The following RBFOX1 variants were observed in gnomAD, a reference collection of about 807,000 sequenced individuals.
RBFOX1 encodes the protein RNA binding fox-1 homolog 1.
In RBFOX1, 8 loss-of-function variants were observed where a neutral mutation model predicts 57.7. The ratio of observed to expected loss-of-function variants is 0.14; its 90% confidence interval spans 0.08 to 0.25. The LOEUF is 0.25. Ranked by LOEUF, RBFOX1 falls within the 10% of genes least tolerant of loss-of-function variation. The probability of loss-of-function intolerance (pLI) is 1.00; values close to 1 mark genes in which losing one functional copy is unlikely to be tolerated. For synonymous variants in RBFOX1, 326 were observed against 222.4 expected (o/e 1.47, Z -4.15); for missense variants, 611 against 548.5 (o/e 1.11, Z -1.14).
intron 1 of RBFOX1, among the ~76,000 whole-genome samples, chr16:6,058,772 C>G (rs932902926): frequency 6.6e-6 from 1 of 151,522 alleles, no homozygotes; most frequent in Non-Finnish European, 1.5e-5. Context: ...CATTCATTCA[C>G]CCACCCACCC....
At chr16:7,590,491 C>T (rs2152918079) in intron 7 of RBFOX1, among the ~76,000 whole-genome samples, 1 of 152,210 alleles carries the variant, frequency 6.6e-6, no homozygotes. Flanking sequence ...ACGAGATTTA[C>T]CCAACCATCT....
chr16:7,290,388 AT>A (rs1052015112), intron 4 of RBFOX1, among the ~76,000 whole-genome samples: 2 of 152,156 alleles, frequency 1.3e-5, no homozygotes, highest in African/African-American at 4.8e-5. Flanking sequence ...GCAGAAGGTA[AT>A]TTTTTAACCA....
At chr16:5,582,412 A>G (rs888283998) in intron 2 of RBFOX1, among the ~76,000 whole-genome samples, 2 of 152,150 alleles carry the variant, frequency 1.3e-5, no homozygotes, top group African/African-American at 4.8e-5. Context: ...ATTGCCGGGT[A>G]TTGTGGAACT....
At chr16:6,390,196 G>A (rs1390236609) in intron 2 of RBFOX1, among the ~76,000 whole-genome samples, 1 of 152,188 alleles carries the variant, frequency 6.6e-6, no homozygotes, top group Non-Finnish European at 1.5e-5. Flanking sequence ...TTCTATTTAT[G>A]CACATGCAAT....
chr16:5,813,124 C>T (rs1181158496), intron 3 of RBFOX1, among the ~76,000 whole-genome samples: 1 of 151,882 alleles, frequency 6.6e-6, no homozygotes, highest in East Asian at 1.9e-4. Flanking sequence ...TCTCCTGCCT[C>T]AGCCTCCCGA....
chr16:5,334,638 A>G (rs2064849958), intron 1 of RBFOX1, among the ~76,000 whole-genome samples: 1 of 152,134 alleles, frequency 6.6e-6, no homozygotes, highest in African/African-American at 2.4e-5. Flanking sequence ...TGTGCTTGAC[A>G]AATTGAACTT....
chr16:5,828,586 C>G (rs942556070), intron 3 of RBFOX1, among the ~76,000 whole-genome samples: 1 of 152,134 alleles, frequency 6.6e-6, no homozygotes, highest in Non-Finnish European at 1.5e-5. Context: ...GTAGTCCCAG[C>G]TACTCGGGAG....
chr16:5,303,534 C>A (rs1351561424), intron 1 of RBFOX1, among the ~76,000 whole-genome samples: 1 of 152,134 alleles, frequency 6.6e-6, no homozygotes, highest in Non-Finnish European at 1.5e-5. Flanking sequence ...GAAAAGCTGG[C>A]TGTGGGAGTC....
intron 2 of RBFOX1, among the ~76,000 whole-genome samples, chr16:5,546,197 A>G (rs2045198339): frequency 6.6e-6 from 1 of 152,220 alleles, no homozygotes; most frequent in Non-Finnish European, 1.5e-5. Context: ...TGGAGAGACG[A>G]TTACAAGTCA....
At chr16:6,372,489 G>T (rs1205001944) in intron 2 of RBFOX1, among the ~76,000 whole-genome samples, 1 of 151,944 alleles carries the variant, frequency 6.6e-6, no homozygotes, top group East Asian at 2.0e-4. Context: ...ATGGAATGGA[G>T]ATTGGGTGGA....
Position 6,964,100 on chromosome 16 carries a change from C to A in RBFOX1, c.-15-87957C>A, listed in dbSNP as rs137973138. On this transcript the variant is annotated intron_variant, in intron 3 of 15. Coordinates refer to ENST00000550418, the MANE Select transcript of RBFOX1 (RefSeq NM_018723.4). The stretch of plus-strand genomic sequence containing the variant: ...GTGGTGCATTCTCGGCTCACTGCAA[C>A]CTCCGCCTCCCGAATCAAGCGATTC... 3.8e-3 allele frequency among the ~76,000 whole-genome samples: 584 copies of A among 152,154 alleles called. 7 individuals carry two copies. The highest frequency in any genetic ancestry group is 0.013 in the African/African-American group (560 of 41,504).
chr16:5,458,682 C>T (rs2068702790), intron 1 of RBFOX1, among the ~76,000 whole-genome samples: 1 of 152,190 alleles, frequency 6.6e-6, no homozygotes, highest in Admixed American at 6.5e-5. Flanking sequence ...AAATAGGCAA[C>T]TGGGTTTTAA....
At chr16:5,250,526 G>A (rs1219629436) in intron 1 of RBFOX1, among the ~76,000 whole-genome samples, 2 of 152,096 alleles carry the variant, frequency 1.3e-5, no homozygotes, top group South Asian at 2.1e-4. Context: ...CACAGTGTTT[G>A]GTTTTCTGTT....
chr16:7,111,837 C>G (rs780917229), intron 4 of RBFOX1, among the ~76,000 whole-genome samples: 2 of 151,606 alleles, frequency 1.3e-5, no homozygotes, highest in Non-Finnish European at 2.9e-5. Flanking sequence ...CTTTATAATT[C>G]CAGGGCTAAC....
rs369622609 is a variant in RBFOX1, at chr16:5,947,160, G to C, written c.351+79825G>C. On this transcript the variant is annotated intron_variant, in intron 4 of 19. Coordinates refer to the RBFOX1 transcript ENST00000641259. This position sits in a 1 kb window ranked among gnomAD's most constrained non-coding sequence, Gnocchi z 7.2. ...GAACTCAGGAGGTTGAGGTTGCAGC[G>C]AGCCGTGATTCTGCCACTGCTCTCC... Among the ~76,000 whole-genome samples, 1 of 152,126 alleles carries C rather than the reference G, an allele frequency of 6.6e-6. No individual in the cohort carries two copies. The highest frequency in any genetic ancestry group is 1.5e-5 in the Non-Finnish European group (1 of 68,012).
intron 3 of RBFOX1, among the ~76,000 whole-genome samples, chr16:5,611,705 C>CCCATCCGTCCATCTATCCATCCAT (rs772335203): frequency 0.058 from 5,775 of 99,702 alleles, 255 homozygotes; most frequent in Admixed American, 0.11. Context: ...CACCCACTCT[C>CCCATCCGTCCATCTATCCATCCAT]CCATCCATCC....
chr16:5,258,185 G>T (rs1171354272), intron 1 of RBFOX1, among the ~76,000 whole-genome samples: 1 of 151,992 alleles, frequency 6.6e-6, no homozygotes, highest in African/African-American at 2.4e-5. Context: ...CCTGGCCAAG[G>T]TTTTTTATTA....
At chr16:6,098,130 C>T (rs1457896920) in intron 1 of RBFOX1, among the ~76,000 whole-genome samples, 2 of 151,498 alleles carry the variant, frequency 1.3e-5, no homozygotes, top group Admixed American at 6.6e-5. Context: ...GTGCCTCTTG[C>T]TACCCTTCGT....
At chr16:7,099,823 A>C (rs556294211) in intron 4 of RBFOX1, among the ~76,000 whole-genome samples, 1 of 152,192 alleles carries the variant, frequency 6.6e-6, no homozygotes, top group African/African-American at 2.4e-5. Context: ...GTGGGTTTCA[A>C]TAAAGGGTTA....
Sources: allele counts gnomAD v4.1 joint callset (sites outside exome capture counted in the v4.1 genomes callset), GRCh38; gene constraint gnomAD v4.1.1; non-coding constraint Gnocchi (gnomAD v3.1); transcripts MANE v1.5; gene names NCBI Gene and HGNC (gene_info 2026-07-23, HGNC 2026-07-21).